STK32A: variants seen among roughly 807,000 people sequenced by gnomAD.
The protein encoded by STK32A is serine/threonine-protein kinase 32A.
A neutral mutation model predicts 53.2 loss-of-function variants in STK32A; 41 were observed. The observed-to-expected ratio is 0.77, with a 90% CI of 0.60 to 1.00. The LOEUF is 1.00. Among genes scored for constraint, STK32A ranks in the 50% least tolerant of loss-of-function variants. The pLI is 0.00. For synonymous variants in STK32A, 166 were observed against 162.8 expected (o/e 1.02, Z -0.15); for missense variants, 458 against 485.8 (o/e 0.94, Z 0.54).
intron 5 of STK32A, among the ~76,000 whole-genome samples, chr5:147,326,528 G>A (rs1754598857): frequency 6.6e-6 from 1 of 152,126 alleles, no homozygotes; most frequent in African/African-American, 2.4e-5. Flanking sequence ...GACATTTGGT[G>A]TATAATTAAT....
Position 147,278,176 on chromosome 5 carries a change from G to A in STK32A, c.105G>A (p.Gly35=), listed in dbSNP as rs373387498. The A allele has an allele frequency of 1.3e-5, 21 of 1,597,484 alleles. No individual in the cohort carries two copies. Among genetic ancestry groups the A allele is most frequent in the Non-Finnish European group, 1.7e-5 (20 of 1,171,226 alleles). The change falls in exon 3 of 13, where the codon GGG becomes GGA. Residue 35 remains glycine (G), a synonymous_variant. Coordinates refer to ENST00000397936, the MANE Select transcript of STK32A (RefSeq NM_001112724.2). The part of the protein sequence containing the change: ...ILRAIGKGSF[G]KVCIVQKNDT... ...GAGCCATTGGGAAAGGCAGTTTTGG[G>A]AAGGTGAGAACAAATTGAAATGATT...
At chr5:147,372,074 C>T (rs1013140841) in intron 9 of STK32A, among the ~76,000 whole-genome samples, 1 of 152,032 alleles carries the variant, frequency 6.6e-6, no homozygotes, top group Non-Finnish European at 1.5e-5. Context: ...CCATTGTATT[C>T]TCAGCATCTA....
intron 8 of STK32A, among the ~76,000 whole-genome samples, chr5:147,362,200 T>C (rs904477361): frequency 6.6e-6 from 1 of 152,218 alleles, no homozygotes; most frequent in Non-Finnish European, 1.5e-5. Flanking sequence ...TATTACATAA[T>C]AGAAATACAC....
At chr5:147,272,908 G>C (rs77652165) in intron 2 of STK32A, among the ~76,000 whole-genome samples, 7,893 of 152,222 alleles carry the variant, frequency 0.052, 262 homozygotes, top group South Asian at 0.085. Flanking sequence ...CAGTAGAAAG[G>C]TTTACATAAA....
chr5:147,302,751 C>T (rs1014499170), intron 4 of STK32A, among the ~76,000 whole-genome samples: 7 of 152,094 alleles, frequency 4.6e-5, no homozygotes, highest in Non-Finnish European at 8.8e-5. Flanking sequence ...ACATGCCATG[C>T]GACTCACTCA....
At chr5:147,394,233 C>A in the STK32A span, 5 of 1,055,042 alleles carry the variant, frequency 4.7e-6, no homozygotes, top group Non-Finnish European at 7.0e-6. Flanking sequence ...ATATGAAGTG[C>A]CTTGCTGGCC....
Position 147,385,505 on chromosome 5 carries a change from G to C in STK32A, c.*1522G>C, listed in dbSNP as rs546049813. ...GACAGGCAAGTTCATGGAGACTAAGGGAACAGTGGTATCATGTCTCCCTTC... is the reference window on the plus strand; with the variant it reads ...GACAGGCAAGTTCATGGAGACTAAGCGAACAGTGGTATCATGTCTCCCTTC... On this transcript the variant is annotated 3_prime_UTR_variant, in exon 13 of 13. Coordinates refer to ENST00000397936, the MANE Select transcript of STK32A (RefSeq NM_001112724.2). 10 of 152,234 alleles carry C rather than the reference G, an allele frequency of 6.6e-5. No individual in the cohort carries two copies. The highest frequency in any genetic ancestry group is 1.3e-4 in the Non-Finnish European group (9 of 68,006). 9.4% of individuals were successfully genotyped at this position (152,234 alleles called of 1,614,324 possible).
intron 5 of STK32A, among the ~76,000 whole-genome samples, chr5:147,335,825 G>A (rs114659331): frequency 7.2e-5 from 11 of 152,324 alleles, no homozygotes; most frequent in Non-Finnish European, 1.3e-4. Flanking sequence ...ATGCGTGCGC[G>A]TGTGTGCGCG....
At chr5:147,397,948 G>C in the STK32A span, 1 of 1,250,480 alleles carries the variant, frequency 8.0e-7, no homozygotes, top group South Asian at 1.8e-5. Flanking sequence ...GATTCACCAG[G>C]TAAGCCAGGA....
intron 2 of STK32A, among the ~76,000 whole-genome samples, chr5:147,274,945 C>G (rs987241991): frequency 1.3e-5 from 2 of 152,144 alleles, no homozygotes; most frequent in African/African-American, 4.8e-5. Context: ...GGTTTATATA[C>G]ATTCTCTATT....
At chr5:147,375,031 G>T in intron 10 of STK32A, 59 bp from the exon 11 acceptor site, 1 of 1,503,244 alleles carries the variant, frequency 6.7e-7, no homozygotes, top group Non-Finnish European at 8.9e-7. Flanking sequence ...TATTAGGTCT[G>T]CTGTGTTTTT....
intron 4 of STK32A, among the ~76,000 whole-genome samples, chr5:147,313,499 G>A (rs10875622): frequency 0.56 from 85,886 of 152,052 alleles, 24,450 homozygotes; most frequent in Middle Eastern, 0.67. Flanking sequence ...AAATTTATCT[G>A]TAGATTCTAT....
chr5:147,381,650 A>G (rs1189960013), intron 11 of STK32A, among the ~76,000 whole-genome samples: 1 of 151,934 alleles, frequency 6.6e-6, no homozygotes, highest in Admixed American at 6.6e-5. Flanking sequence ...CAGAAAAAAA[A>G]AAAAAGGAAA....
At chr5:147,303,645 A>G (rs1197984248) in intron 4 of STK32A, among the ~76,000 whole-genome samples, 6 of 152,232 alleles carry the variant, frequency 3.9e-5, no homozygotes, top group Non-Finnish European at 5.9e-5. Flanking sequence ...CCACCGTAAT[A>G]CATAAAATAT....
At chr5:147,343,974 A>C (rs1755562871) in intron 6 of STK32A, among the ~76,000 whole-genome samples, 1 of 152,346 alleles carries the variant, frequency 6.6e-6, no homozygotes, top group Admixed American at 6.5e-5. Context: ...TGATGATTAA[A>C]TGTGTACGAT....
At chr5:147,273,767 G>T (rs537732396) in intron 2 of STK32A, among the ~76,000 whole-genome samples, 3 of 152,284 alleles carry the variant, frequency 2.0e-5, no homozygotes, top group Admixed American at 2.0e-4. Context: ...GGATTTTTAT[G>T]TGTAGTTTTG....
At chr5:147,374,501 G>A (rs192636895) in intron 10 of STK32A, among the ~76,000 whole-genome samples, 25 of 152,108 alleles carry the variant, frequency 1.6e-4, no homozygotes, top group African/African-American at 6.0e-4. Flanking sequence ...CGCTTTGTGG[G>A]GTCCATTAGG....
chr5:147,372,444 G>T (rs1254811806), intron 9 of STK32A, among the ~76,000 whole-genome samples: 2 of 151,808 alleles, frequency 1.3e-5, no homozygotes, highest in Non-Finnish European at 2.9e-5. Context: ...GACATAGAAT[G>T]GGGGATCATT....
chr5:147,351,173 T>G lies in STK32A; in HGVS notation c.562+19T>G. 1.3e-6 allele frequency: 2 copies of G among 1,590,950 alleles called. No homozygotes were observed. Among genetic ancestry groups the G allele is most frequent in the East Asian group, 2.2e-5 (1 of 44,734 alleles). On this transcript the variant is annotated intron_variant, in intron 7 of 12. Coordinates refer to ENST00000397936, the MANE Select transcript of STK32A (RefSeq NM_001112724.2). ...TACATGGGTATGGGTTTCATGAGTG[T>G]CTTTTTTTTTTCTTTCCTGTAAATA... is the stretch of plus-strand genomic sequence containing the variant.
Sources: gnomAD v4.1 joint callset for allele counts (sites outside exome capture counted in the v4.1 genomes callset) on GRCh38, gnomAD v4.1.1 for gene constraint, MANE v1.5 for transcripts, NCBI Gene and HGNC (gene_info 2026-07-23, HGNC 2026-07-21) for gene names.